The following PAX4 variants were observed in gnomAD, a reference collection of about 807,000 sequenced individuals.
The protein encoded by PAX4 is paired box protein Pax-4.
PAX4 carries 33 observed loss-of-function variants against 40.6 expected under a neutral mutation model. The ratio of observed to expected loss-of-function variants is 0.81; its 90% CI spans 0.62 to 1.09. The LOEUF is 1.09. PAX4 is among the 50% of genes least tolerant of loss of function. The pLI is 0.00. For missense variants in PAX4, 459 were observed against 442.5 expected (o/e 1.04, Z -0.33); for synonymous variants, 174 against 170.6 (o/e 1.02, Z -0.16).
intron 4 of PAX4, 82 bp from the exon 5 acceptor site, chr7:127,615,177 A>G: frequency 6.2e-7 from 1 of 1,609,232 alleles, no homozygotes; most frequent in East Asian, 2.2e-5. Context: ...AGGAGGCTAT[A>G]AGACAAAGCC....
intron 1 of PAX4, among the ~76,000 whole-genome samples, chr7:127,617,741 A>T (rs767884370): frequency 2.7e-4 from 41 of 152,208 alleles, no homozygotes; most frequent in Non-Finnish European, 5.3e-4. Flanking sequence ...CACAAACAGA[A>T]ACCCCATTCC....
chr7:127,614,018 G>T (rs1794681966), intron 6 of PAX4, 137 bp from the exon 7 acceptor site: 2 of 974,716 alleles, frequency 2.1e-6, no homozygotes, highest in Non-Finnish European at 3.1e-6. Flanking sequence ...GGCATTCATA[G>T]TTATTAGAGG....
At chr7:127,611,771 T>A (rs1245614474) in intron 10 of PAX4, 95 bp from the exon 11 acceptor site, 2 of 1,601,880 alleles carry the variant, frequency 1.2e-6, no homozygotes, top group African/African-American at 2.7e-5. Context: ...CCAAGTAGTA[T>A]CCTGCACAAC....
chr7:127,611,941 G>C lies in PAX4; in HGVS notation c.771+4C>G, dbSNP rs1213866010. 3.1e-6 allele frequency: 5 copies of C among 1,613,982 alleles called. No individual in the cohort carries two copies. Among genetic ancestry groups the C allele is most frequent in the African/African-American group, 2.7e-5 (2 of 74,916 alleles). On this transcript the variant is annotated splice_donor_region_variant and intron_variant, in intron 10 of 11. Coordinates refer to ENST00000639438, the MANE Select transcript of PAX4 (RefSeq NM_001366110.1). ...GGCACAGACTCCCCTCTCCTCCCGA[G>C]TACCTGTGCAGAGATGATTCCTGGG...
intron 1 of PAX4, among the ~76,000 whole-genome samples, 153 bp downstream of exon 1, chr7:127,617,809 G>A (rs183488997): frequency 4.6e-5 from 7 of 152,262 alleles, no homozygotes; most frequent in Admixed American, 1.3e-4. Flanking sequence ...AAAATAACTG[G>A]TGCTTGCAAG....
chr7:127,614,601 C>T, intron 5 of PAX4, 44 bp from the exon 6 acceptor site: 1 of 1,477,990 alleles, frequency 6.8e-7, no homozygotes, highest in Non-Finnish European at 9.3e-7. Flanking sequence ...TGCTCAGACT[C>T]AGGGCTATAC....
In PAX4 at chr7:127,614,907, C is replaced by T. The variant is rs772082055; in HGVS notation, c.333G>A (p.Gly111=). ...WEIQRQLCAE[G]LCTQDKTPSV... ...TGGGAGTCTTGTCCTGGGTGCAAAG[C>T]CCTTCAGCACAAAGCTGGCGTTGGA... is the stretch of plus-strand genomic sequence containing the variant. Residue 111 remains glycine (G), a synonymous_variant, in exon 5 of 12, where the codon GGG becomes GGA. Transcript: ENST00000639438. The T allele has an allele frequency of 6.2e-7, 1 of 1,614,094 alleles. No homozygotes were observed. The highest frequency in any genetic ancestry group is 1.1e-5 in the South Asian group (1 of 91,078).
In PAX4 at chr7:127,611,120, T is replaced by C. The variant is rs755819729; in HGVS notation, c.1000A>G (p.Ser334Gly). 3 of 1,607,980 alleles carry C rather than the reference T, an allele frequency of 1.9e-6. No individual in the cohort carries two copies. Among genetic ancestry groups the C allele is most frequent in the East Asian group, 2.2e-5 (1 of 44,782 alleles). Reference sequence around the variant, plus strand: ...GGCCAGAGCAGGGCCTGAGAGCCACTAAGACTGGCCAGGTGACAGTGGGAG... The same window carrying C: ...GGCCAGAGCAGGGCCTGAGAGCCACCAAGACTGGCCAGGTGACAGTGGGAG... ...PSSHCHLASL[S>G]GSQALLWPGC... The change falls in exon 12 of 12, where the codon AGT becomes GGT. Residue 334 changes from serine (S) to glycine (G), a missense_variant. Transcript: ENST00000639438.
In PAX4 at chr7:127,613,037, C is replaced by T; in HGVS notation, c.700G>A (p.Glu234Lys). The change falls in exon 9 of 12, where the codon GAA becomes AAA. Residue 234 changes from glutamate (E) to lysine (K), a missense_variant. Transcript: ENST00000639438. ...KWRRQEKLKW[E>K]MQLPGASQGL... is the part of the protein sequence containing the mutation. The stretch of plus-strand genomic sequence containing the variant: ...GAGAAATCACCTGGCAGCTGCATTT[C>T]CCACTTGAGCTTCTCTTGCCGACGC... 1 of 1,612,958 alleles carries T rather than the reference C, an allele frequency of 6.2e-7. No homozygotes were observed. Among genetic ancestry groups the T allele is most frequent in the Admixed American group, 1.7e-5 (1 of 60,014 alleles).
chr7:127,611,230 T>C (rs1395804345), intron 11 of PAX4, 24 bp from the exon 12 acceptor site: 1 of 1,565,760 alleles, frequency 6.4e-7, no homozygotes, highest in African/African-American at 1.3e-5. Context: ...TAGAGAGAGC[T>C]TGGGGTTATT....
rs577290306 is a variant in PAX4 at position 127,610,305 on chromosome 7, T to C, written c.*759A>G. The C allele has an allele frequency of 6.4e-6, 1 of 156,206 alleles. No individual in the cohort carries two copies. Among genetic ancestry groups the C allele is most frequent in the Admixed American group, 6.2e-5 (1 of 16,144 alleles). The allele number at this position is 156,206 out of a possible 1,614,324, so 9.7% of individuals were successfully genotyped here. ...TAAATGGAAAGCAGAATATGAAAAATGGCATTTCACTCTGTTTGCTGCTAT... is the reference window on the plus strand; with the variant it reads ...TAAATGGAAAGCAGAATATGAAAAACGGCATTTCACTCTGTTTGCTGCTAT... On this transcript the variant is annotated 3_prime_UTR_variant, in exon 12 of 12. Transcript: ENST00000639438.
chr7:127,610,809 A>G lies in PAX4; in HGVS notation c.*255T>C. 6.8e-7 allele frequency: 1 copy of G among 1,467,128 alleles called. No individual in the cohort carries two copies. Among genetic ancestry groups the G allele is most frequent in the South Asian group, 1.2e-5 (1 of 82,632 alleles). 90.9% of individuals were successfully genotyped at this position (1,467,128 alleles called of 1,614,324 possible). On this transcript the variant is annotated 3_prime_UTR_variant, in exon 12 of 12. Transcript: ENST00000639438. The stretch of plus-strand genomic sequence containing the variant: ...ATGATGGACAACAGAACTACTGCTA[A>G]TAAAAACAGCTTTTATTACTGCTGA...
intron 11 of PAX4, 63 bp downstream of exon 11, chr7:127,611,472 G>A (rs1794624048): frequency 6.2e-7 from 1 of 1,611,076 alleles, no homozygotes; most frequent in Non-Finnish European, 8.5e-7. Context: ...ATGCCCTCCT[G>A]GAGGTTGAGT....
Position 127,614,972 on chromosome 7 carries a change from G to A in PAX4, c.268C>T (p.Gln90Ter), listed in dbSNP as rs1359232669. The change falls in exon 5 of 12, where the codon CAG (glutamine) becomes TAG (stop). Residue 90 changes from glutamine (Q) to a stop codon, truncating the protein, a stop_gained. Transcript: ENST00000639438. LOFTEE classifies it high-confidence loss of function. ...ATPPVVARIA[Q>*]LKGECPALFA... ...AGGGCTGGACACTCACCCTTCAGCTGGGCAATTCGAGCCACCACAGGGGGT... is the reference window on the plus strand; with the variant it reads ...AGGGCTGGACACTCACCCTTCAGCTAGGCAATTCGAGCCACCACAGGGGGT... 7 of 1,614,066 alleles carry A rather than the reference G, an allele frequency of 4.3e-6. No individual in the cohort carries two copies. Among genetic ancestry groups the A allele is most frequent in the Non-Finnish European group, 5.9e-6 (7 of 1,180,036 alleles).
At chr7:127,614,003 G>A in intron 6 of PAX4, 122 bp from the exon 7 acceptor site, 3 of 1,156,320 alleles carry the variant, frequency 2.6e-6, no homozygotes, top group South Asian at 2.7e-5. Context: ...GAGCCAAGCT[G>A]GTGGGGCATT....
chr7:127,615,654 C>A (rs1794713223), intron 3 of PAX4, 123 bp from the exon 4 acceptor site: 1 of 1,580,036 alleles, frequency 6.3e-7, no homozygotes. Flanking sequence ...TCCTGGGAGA[C>A]TGCATCCTTG....
In PAX4 at chr7:127,613,743, C is replaced by T. The variant is rs1299792745; in HGVS notation, c.562+13G>A. 5 of 1,613,754 alleles carry T rather than the reference C, an allele frequency of 3.1e-6. No homozygotes were observed. Among genetic ancestry groups the T allele is most frequent in the Non-Finnish European group, 4.2e-6 (5 of 1,179,936 alleles). On this transcript the variant is annotated intron_variant, in intron 7 of 11. Transcript: ENST00000639438. The stretch of plus-strand genomic sequence containing the variant: ...GAGGACTCTCTGACCCTCCATCTGT[C>T]CCAGCCCAGCACCTTTCTCCAGTGC...
chr7:127,613,184 G>A (rs1794664652), intron 8 of PAX4, 93 bp from the exon 9 acceptor site: 3 of 1,109,096 alleles, frequency 2.7e-6, no homozygotes, highest in Non-Finnish European at 2.8e-6. Flanking sequence ...AACTCAGAAT[G>A]TTGACCCTTC....
chr7:127,616,390 C>T (rs1794723475), intron 2 of PAX4, among the ~76,000 whole-genome samples: 1 of 152,202 alleles, frequency 6.6e-6, no homozygotes. Flanking sequence ...CTTCTCAGCC[C>T]TGGAAGACAC....
Sources: allele counts gnomAD v4.1 joint callset (sites outside exome capture counted in the v4.1 genomes callset), GRCh38; gene constraint gnomAD v4.1.1; transcripts MANE v1.5; gene names NCBI Gene and HGNC (gene_info 2026-07-23, HGNC 2026-07-21).